Variants in SCAPER observed in about 807,000 individuals in gnomAD.
SCAPER encodes the protein S-phase cyclin A associated protein in the ER, also known as S phase cyclin A-associated protein in the endoplasmic reticulum.
In SCAPER, 98 loss-of-function variants were observed where a neutral mutation model predicts 182.2. The observed-to-expected ratio is 0.54, with a 90% CI of 0.46 to 0.64. SCAPER has a LOEUF of 0.64. Among genes scored for constraint, SCAPER ranks in the 30% least tolerant of loss-of-function variants. SCAPER has a pLI of 0.00. For missense variants in SCAPER, 1,432 were observed against 1,690.0 expected, an observed-to-expected ratio of 0.85 and a Z score of 2.68; for synonymous variants, 605 against 564.6, an observed-to-expected ratio of 1.07 and a Z score of -1.01.
chr15:76,610,875 T>C (rs184774329), intron 22 of SCAPER, among the ~76,000 whole-genome samples: 1 of 152,186 alleles, frequency 6.6e-6, no homozygotes, highest in East Asian at 1.9e-4. Context: ...GTGAAATCCC[T>C]ATCAAAATTC....
At chr15:76,659,816 C>T (rs778725816) in intron 21 of SCAPER, among the ~76,000 whole-genome samples, 3 of 152,198 alleles carry the variant, frequency 2.0e-5, no homozygotes, top group South Asian at 2.1e-4. Context: ...TAAATTATTC[C>T]GTTATTGTGC....
rs144694379 is a variant in SCAPER, at chr15:76,733,346, C to T, written c.1905G>A (p.Gln635=). The T allele has an allele frequency of 0.021, 33,805 of 1,613,514 alleles. 434 individuals are homozygous for T. The highest frequency in any genetic ancestry group is 0.054 in the Middle Eastern group (329 of 6,058). ...TTGATAAAACATCATGACGTTTATT[C>T]TGGGCTTCAAGGGTATTTATAAAGG... ...EIAFINTLEA[Q]NKRHDVLSKL... Residue 635 remains glutamine (Q), a synonymous_variant, in exon 16 of 32, where the codon CAG becomes CAA. Coordinates refer to ENST00000563290, the MANE Select transcript of SCAPER (RefSeq NM_020843.4).
At chr15:76,677,495 C>T (rs2057434409) in intron 20 of SCAPER, among the ~76,000 whole-genome samples, 1 of 151,480 alleles carries the variant, frequency 6.6e-6, no homozygotes, top group Non-Finnish European at 1.5e-5. Context: ...TTATAAAGTC[C>T]TCCTTCCCTA....
intron 20 of SCAPER, among the ~76,000 whole-genome samples, chr15:76,700,296 G>A (rs2058868346): frequency 6.6e-6 from 1 of 152,166 alleles, no homozygotes; most frequent in Admixed American, 6.5e-5. Flanking sequence ...AGCTGTTCCT[G>A]TGTCAAACCC....
At chr15:76,657,831 T>C (rs2055796371) in intron 21 of SCAPER, among the ~76,000 whole-genome samples, 1 of 152,152 alleles carries the variant, frequency 6.6e-6, no homozygotes, top group Admixed American at 6.5e-5. Context: ...ATCGTCTAAA[T>C]AGATGCAGGA....
chr15:76,726,129 A>G (rs1170742575), intron 17 of SCAPER, among the ~76,000 whole-genome samples: 2 of 113,862 alleles, frequency 1.8e-5, no homozygotes, highest in African/African-American at 6.9e-5. Context: ...TCTAGAATAT[A>G]TATATATATA....
At chr15:76,746,398 T>C (rs2151145918) in intron 15 of SCAPER, among the ~76,000 whole-genome samples, 1 of 152,336 alleles carries the variant, frequency 6.6e-6, no homozygotes, top group East Asian at 1.9e-4. Flanking sequence ...CTCAACTGTA[T>C]ATGAAAACTC....
intron 21 of SCAPER, among the ~76,000 whole-genome samples, chr15:76,662,753 G>A (rs1387075440): frequency 2.0e-5 from 3 of 151,920 alleles, no homozygotes; most frequent in South Asian, 2.1e-4. Flanking sequence ...AGTAGAGCAG[G>A]CTATCTATAG....
chr15:76,493,212 C>A (rs1314166266), intron 24 of SCAPER, among the ~76,000 whole-genome samples: 1 of 152,074 alleles, frequency 6.6e-6, no homozygotes, highest in Non-Finnish European at 1.5e-5. Flanking sequence ...ATAACAATCA[C>A]AAATGATTAT....
chr15:76,634,010 A>G (rs2146284999), intron 21 of SCAPER, among the ~76,000 whole-genome samples: 1 of 152,338 alleles, frequency 6.6e-6, no homozygotes, highest in East Asian at 1.9e-4. Flanking sequence ...CCAGAGCCAC[A>G]GTATGCAAAA....
intron 27 of SCAPER, among the ~76,000 whole-genome samples, chr15:76,401,477 G>C (rs1265791944): frequency 1.3e-5 from 2 of 152,162 alleles, no homozygotes; most frequent in African/African-American, 4.8e-5. Flanking sequence ...CTCTAGGCTT[G>C]TGCCATTCCA....
chr15:76,348,538 A>G lies in SCAPER; in HGVS notation c.*95T>C. ...TCTACAGTGTGGGAAGAGTATAAAC[A>G]TGGGAAAATGAGTTCTTAAGGAACA... On this transcript the variant is annotated 3_prime_UTR_variant, in exon 32 of 32. Transcript: ENST00000563290. The G allele has an allele frequency of 1.2e-6, 1 of 812,578 alleles. No homozygotes were observed. Among genetic ancestry groups the G allele is most frequent in the Non-Finnish European group, 1.9e-6 (1 of 515,032 alleles). 50.3% of individuals were successfully genotyped at this position (812,578 alleles called of 1,614,324 possible).
At chr15:76,614,080 G>C (rs2051235654) in intron 22 of SCAPER, among the ~76,000 whole-genome samples, 1 of 152,176 alleles carries the variant, frequency 6.6e-6, no homozygotes, top group Non-Finnish European at 1.5e-5. Context: ...GAAGGAATGA[G>C]ATCATGTCCT....
intron 23 of SCAPER, among the ~76,000 whole-genome samples, chr15:76,509,787 C>T (rs1458588947): frequency 2.6e-5 from 4 of 152,110 alleles, no homozygotes; most frequent in Admixed American, 6.5e-5. Flanking sequence ...ACAAAAAGAA[C>T]GAATCTGGAG....
At chr15:76,847,559 G>A (rs1410707592) in intron 4 of SCAPER, among the ~76,000 whole-genome samples, 3 of 152,128 alleles carry the variant, frequency 2.0e-5, no homozygotes, top group Admixed American at 2.0e-4. Flanking sequence ...CTGCATGACT[G>A]TATCAAAGTA....
chr15:76,392,054 T>C (rs1383321507), intron 27 of SCAPER, among the ~76,000 whole-genome samples: 1 of 152,100 alleles, frequency 6.6e-6, no homozygotes, highest in Non-Finnish European at 1.5e-5. Flanking sequence ...CAACTTTGGG[T>C]GAAAGCCAAT....
At position 76,731,633 on chromosome 15, in the gene SCAPER, A is replaced by T. The variant is rs138919568; in HGVS notation, c.2022+1596T>A. On this transcript the variant is annotated intron_variant, in intron 16 of 31. Transcript: ENST00000563290. ...CAGCAAGTAATGATTACACATTTTT[A>T]AAATTTTAATGTTATACATGTTATC... 5.1e-4 allele frequency among the ~76,000 whole-genome samples: 78 copies of T among 152,376 alleles called. 1 individual carries two copies. Among genetic ancestry groups the T allele is most frequent in the African/African-American group, 1.8e-3 (73 of 41,608 alleles).
chr15:76,663,220 GAAC>G (rs1204307158), intron 21 of SCAPER, among the ~76,000 whole-genome samples: 3 of 152,122 alleles, frequency 2.0e-5, no homozygotes, highest in South Asian at 2.1e-4. Context: ...ATGCAAATTA[GAAC>G]AACGAGATAC....
intron 25 of SCAPER, among the ~76,000 whole-genome samples, chr15:76,466,423 T>TTTTTTTC: frequency 8.4e-6 from 1 of 119,494 alleles, no homozygotes. Flanking sequence ...GTTCTTCTTT[T>TTTTTTTC]TTTTTTTTTT....
Sources: gnomAD v4.1 joint callset for allele counts (sites outside exome capture counted in the v4.1 genomes callset) on GRCh38, gnomAD v4.1.1 for gene constraint, MANE v1.5 for transcripts, NCBI Gene and HGNC (gene_info 2026-07-23, HGNC 2026-07-21) for gene names.